Variants in PXDC1 observed in about 807,000 individuals in gnomAD.
PXDC1 encodes the protein PX domain containing 1.
PXDC1 carries 13 observed loss-of-function variants against 24.4 expected under a neutral mutation model. That is an observed-to-expected ratio of 0.53 (90% CI 0.35 to 0.85). PXDC1 has a LOEUF of 0.85. PXDC1 is among the 40% of genes least tolerant of loss of function. PXDC1 has a pLI of 0.01. For synonymous variants in PXDC1, 162 were observed against 124.9 expected (o/e 1.30, Z -1.98); for missense variants, 344 against 309.3 (o/e 1.11, Z -0.84).
At chr6:3,750,800 G>C (rs1441958224) in intron 1 of PXDC1, among the ~76,000 whole-genome samples, 1 of 152,112 alleles carries the variant, frequency 6.6e-6, no homozygotes, top group African/African-American at 2.4e-5. Context: ...CGCGCCCTCC[G>C]CGGGGAGAAC....
chr6:3,745,483 G>A (rs1182203577), intron 1 of PXDC1, among the ~76,000 whole-genome samples: 1 of 152,242 alleles, frequency 6.6e-6, no homozygotes, highest in African/African-American at 2.4e-5. Flanking sequence ...GAGGCTTGAG[G>A]AACTTGCCTG....
At chr6:3,744,966 C>T (rs1760532973) in intron 1 of PXDC1, among the ~76,000 whole-genome samples, 1 of 152,254 alleles carries the variant, frequency 6.6e-6, no homozygotes, top group Non-Finnish European at 1.5e-5. Context: ...TCCCAAAGTG[C>T]TGGGCTTACA....
chr6:3,748,982 C>T (rs1253993741), intron 1 of PXDC1, among the ~76,000 whole-genome samples: 1 of 152,174 alleles, frequency 6.6e-6, no homozygotes, highest in African/African-American at 2.4e-5. Context: ...AAATAAGGTG[C>T]AATCTGCTTT....
intron 1 of PXDC1, chr6:3,738,749 A>C (rs1278862810): frequency 6.2e-6 from 8 of 1,287,340 alleles, no homozygotes; most frequent in Non-Finnish European, 8.1e-6. Context: ...CGGTCACCAC[A>C]CACCCGAGTG....
chr6:3,743,308 C>T (rs996945102), intron 1 of PXDC1, among the ~76,000 whole-genome samples: 3 of 152,306 alleles, frequency 2.0e-5, no homozygotes, highest in Middle Eastern at 3.4e-3. Flanking sequence ...GGTTCCCACA[C>T]GCACACAACA....
chr6:3,738,794 A>G, intron 1 of PXDC1: 1 of 1,302,360 alleles, frequency 7.7e-7, no homozygotes, highest in Non-Finnish European at 1.0e-6. Context: ...TTTTTAAAAT[A>G]CCATAGCTCG....
At chr6:3,743,896 G>A (rs1335155396) in intron 1 of PXDC1, among the ~76,000 whole-genome samples, 1 of 152,196 alleles carries the variant, frequency 6.6e-6, no homozygotes, top group Non-Finnish European at 1.5e-5. Context: ...GTGAAAAGCT[G>A]AGCTGAGAAT....
intron 1 of PXDC1, among the ~76,000 whole-genome samples, chr6:3,744,691 T>C (rs1760525490): frequency 6.6e-6 from 1 of 152,188 alleles, no homozygotes; most frequent in South Asian, 2.1e-4. Context: ...TTGGCAATTC[T>C]TGTTTTTATT....
At chr6:3,749,141 C>G (rs1191573584) in intron 1 of PXDC1, among the ~76,000 whole-genome samples, 2 of 152,020 alleles carry the variant, frequency 1.3e-5, no homozygotes, top group Non-Finnish European at 1.5e-5. Context: ...AAACCAAGGA[C>G]TAGAATGAAG....
At chr6:3,727,140 C>T (rs1760087935) in intron 4 of PXDC1, among the ~76,000 whole-genome samples, 1 of 152,234 alleles carries the variant, frequency 6.6e-6, no homozygotes, top group Admixed American at 6.5e-5. Flanking sequence ...TTTGGCTGTC[C>T]AGCCTCAGTA....
In PXDC1 at chr6:3,737,271, C is replaced by A; in HGVS notation, c.349-75G>T. The A allele has an allele frequency of 6.0e-6, 6 of 1,006,294 alleles. No individual in the cohort carries two copies. The Middle Eastern group carries it at 6.5e-4, about 109-fold the overall frequency. 62.3% of individuals were successfully genotyped at this position (1,006,294 alleles called of 1,614,324 possible). Reference sequence around the variant, plus strand: ...GCCCTGTCTGTCTACCAAGAGAGGGCCCCGCTCCTCCGCAGAGGCAGCCTG... The same window carrying A: ...GCCCTGTCTGTCTACCAAGAGAGGGACCCGCTCCTCCGCAGAGGCAGCCTG... On this transcript the variant is annotated intron_variant, in intron 2 of 4. Transcript: ENST00000380283. The surrounding 1 kb of genome is among the most constrained non-coding windows in gnomAD (Gnocchi z 5.5).
At chr6:3,738,732 C>A in intron 1 of PXDC1, 1 of 1,255,100 alleles carries the variant, frequency 8.0e-7, no homozygotes, top group Non-Finnish European at 1.0e-6. Flanking sequence ...GGCCTCTGTG[C>A]TTCTCACGGT....
chr6:3,736,507 C>T (rs560590805), intron 3 of PXDC1, among the ~76,000 whole-genome samples: 2 of 152,338 alleles, frequency 1.3e-5, no homozygotes, highest in African/African-American at 4.8e-5. Flanking sequence ...TCCTCCTCAT[C>T]AGCCTTTGTC....
chr6:3,738,996 G>T, intron 1 of PXDC1: 1 of 1,269,490 alleles, frequency 7.9e-7, no homozygotes, highest in South Asian at 1.3e-5. Flanking sequence ...AACCACAAAG[G>T]CTTAAGTGCC....
intron 3 of PXDC1, among the ~76,000 whole-genome samples, chr6:3,730,768 C>T (rs564389184): frequency 3.3e-5 from 5 of 152,346 alleles, no homozygotes; most frequent in African/African-American, 1.2e-4. Context: ...TGACTTGTAA[C>T]AAAATCCACT....
In PXDC1 at chr6:3,745,413, G is replaced by A. The variant is rs554589212; in HGVS notation, c.256+5863C>T. Among the ~76,000 whole-genome samples, 9 of 152,344 alleles carry A rather than the reference G, an allele frequency of 5.9e-5. No homozygotes were observed. In the East Asian group the frequency reaches 9.6e-4, roughly 16 times the overall value. ...GCACTCTACGGATACCACTGCTTTC[G>A]GTACTCACAACGGCCCTGCGTGCGG... On this transcript the variant is annotated intron_variant, in intron 1 of 4. Transcript: ENST00000380283.
chr6:3,736,750 T>G (rs547406968), intron 3 of PXDC1, among the ~76,000 whole-genome samples: 29 of 152,254 alleles, frequency 1.9e-4, no homozygotes, highest in Non-Finnish European at 4.0e-4. Flanking sequence ...ACATGGGCTG[T>G]CTCACTTCAG....
At chr6:3,748,123 G>A (rs1236513160) in intron 1 of PXDC1, among the ~76,000 whole-genome samples, 2 of 152,166 alleles carry the variant, frequency 1.3e-5, no homozygotes, top group African/African-American at 2.4e-5. Flanking sequence ...TCCTAGATGC[G>A]AGAGATGTAA....
intron 1 of PXDC1, among the ~76,000 whole-genome samples, chr6:3,747,992 T>C (rs1760607317): frequency 6.6e-6 from 1 of 152,224 alleles, no homozygotes; most frequent in Non-Finnish European, 1.5e-5. Flanking sequence ...GCTGCAGTGG[T>C]GACCTGGTTG....
Sources: gnomAD v4.1 joint callset for allele counts (sites outside exome capture counted in the v4.1 genomes callset) on GRCh38, gnomAD v4.1.1 for gene constraint, Gnocchi (gnomAD v3.1) non-coding constraint, MANE v1.5 for transcripts, NCBI Gene and HGNC (gene_info 2026-07-23, HGNC 2026-07-21) for gene names.